The following PALLD variants were observed in gnomAD, a reference collection of about 807,000 sequenced individuals.
The protein encoded by PALLD is palladin.
In PALLD, 61 loss-of-function variants were observed where a neutral mutation model predicts 123.5. The observed-to-expected ratio is 0.49, with a 90% CI of 0.40 to 0.61. The LOEUF is 0.61. Ranked by LOEUF, PALLD falls within the 20% of genes least tolerant of loss-of-function variation. The pLI, the probability that PALLD is intolerant of heterozygous loss-of-function variation, is 0.00. For synonymous variants in PALLD, 465 were observed against 496.4 expected (o/e 0.94, Z 0.84); for missense variants, 1,273 against 1,377.0 (o/e 0.92, Z 1.20).
At chr4:168,651,069 C>T (rs1030740232) in intron 2 of PALLD, among the ~76,000 whole-genome samples, 1 of 152,038 alleles carries the variant, frequency 6.6e-6, no homozygotes, top group Non-Finnish European at 1.5e-5. Context: ...AATTGTAATT[C>T]CAAGATTGAT....
At chr4:168,878,280 C>T in intron 10 of PALLD, 1 of 1,527,140 alleles carries the variant, frequency 6.5e-7, no homozygotes, top group African/African-American at 1.4e-5. Context: ...TCGTCGCCTG[C>T]CACCCGCTTC....
intron 2 of PALLD, among the ~76,000 whole-genome samples, chr4:168,593,918 C>T (rs1437369939): frequency 6.6e-6 from 1 of 152,058 alleles, no homozygotes; most frequent in Non-Finnish European, 1.5e-5. Flanking sequence ...TATTGTTTTT[C>T]CAAAGTGCTC....
chr4:168,919,247 A>C (rs1355130481), intron 17 of PALLD, among the ~76,000 whole-genome samples: 1 of 152,170 alleles, frequency 6.6e-6, no homozygotes, highest in East Asian at 1.9e-4. Flanking sequence ...AAAATCGGCC[A>C]GGCACGTGGG....
intron 2 of PALLD, among the ~76,000 whole-genome samples, chr4:168,577,767 G>A (rs148943153): frequency 2.0e-5 from 3 of 147,078 alleles, no homozygotes; most frequent in Admixed American, 6.6e-5. Flanking sequence ...TGACCATTAC[G>A]CAAAAGAGGC....
intron 10 of PALLD, among the ~76,000 whole-genome samples, chr4:168,792,427 C>T (rs994570857): frequency 5.9e-5 from 9 of 152,076 alleles, no homozygotes; most frequent in African/African-American, 2.2e-4. Context: ...TGTCTTTACT[C>T]CGCAGCCTCC....
chr4:168,726,381 A>C (rs1786585163), intron 10 of PALLD, among the ~76,000 whole-genome samples: 1 of 152,168 alleles, frequency 6.6e-6, no homozygotes, highest in African/African-American at 2.4e-5. Context: ...ACAATAATGC[A>C]TCTTGCTTTT....
chr4:168,571,643 C>T (rs973135528), intron 2 of PALLD, among the ~76,000 whole-genome samples: 3 of 152,122 alleles, frequency 2.0e-5, no homozygotes, highest in African/African-American at 7.2e-5. Context: ...TCTCTGTATT[C>T]TCCTTGTCTG....
chr4:168,684,962 A>G (rs1781887035), intron 5 of PALLD, among the ~76,000 whole-genome samples: 1 of 152,212 alleles, frequency 6.6e-6, no homozygotes, highest in Non-Finnish European at 1.5e-5. Context: ...ATGTCATTGA[A>G]TAGGTATTTT....
intron 10 of PALLD, among the ~76,000 whole-genome samples, chr4:168,828,036 G>A (rs1442280673): frequency 6.6e-6 from 1 of 152,136 alleles, no homozygotes; most frequent in Admixed American, 6.5e-5. Context: ...GCAGGACTCC[G>A]TCTCAAAACA....
chr4:168,585,656 G>A (rs933941485), intron 2 of PALLD, among the ~76,000 whole-genome samples: 1 of 152,104 alleles, frequency 6.6e-6, no homozygotes, highest in South Asian at 2.1e-4. Context: ...AATTCTGAGC[G>A]CTCAGGACAG....
At chr4:168,775,555 A>G (rs1167786713) in intron 10 of PALLD, among the ~76,000 whole-genome samples, 3 of 152,206 alleles carry the variant, frequency 2.0e-5, no homozygotes, top group South Asian at 4.1e-4. Context: ...AGTCAAATTT[A>G]TCAACTTCTA....
chr4:168,717,908 A>G (rs1023423513), intron 10 of PALLD, among the ~76,000 whole-genome samples: 2 of 152,206 alleles, frequency 1.3e-5, no homozygotes, highest in Non-Finnish European at 2.9e-5. Flanking sequence ...AATTTAAAAC[A>G]TTATGAAAAA....
At chr4:168,765,957 T>C (rs551136455) in intron 10 of PALLD, among the ~76,000 whole-genome samples, 2 of 152,350 alleles carry the variant, frequency 1.3e-5, no homozygotes, top group African/African-American at 4.8e-5. Context: ...TTGAATGTTA[T>C]TATAATCTAT....
In PALLD at chr4:168,579,751, T is replaced by C. The variant is rs569568485; in HGVS notation, c.908+67339T>C. 2.6e-5 allele frequency among the ~76,000 whole-genome samples: 4 copies of C among 152,176 alleles called. No individual in the cohort carries two copies. In the East Asian group the frequency reaches 7.7e-4, roughly 29 times the overall value. ...GTAAGACATAATTTTTTTCTGGAAT[T>C]TTATTTTATTTTGACAGATAAAAAT... is the stretch of plus-strand genomic sequence containing the variant. On this transcript the variant is annotated intron_variant, in intron 2 of 21. Transcript: ENST00000505667.
At chr4:168,554,322 T>G (rs1002390325) in intron 2 of PALLD, among the ~76,000 whole-genome samples, 1 of 152,230 alleles carries the variant, frequency 6.6e-6, no homozygotes, top group Non-Finnish European at 1.5e-5. Context: ...CACTTTTTAC[T>G]TTCTCCAATA....
intron 8 of PALLD, among the ~76,000 whole-genome samples, chr4:168,699,803 A>T (rs1357160889): frequency 6.6e-6 from 1 of 152,166 alleles, no homozygotes; most frequent in Non-Finnish European, 1.5e-5. Flanking sequence ...CTGATTTAGT[A>T]ATTTATTAAA....
chr4:168,922,094 TATATATATACACAC>T (rs1397445293), intron 18 of PALLD, among the ~76,000 whole-genome samples: 1 of 106,826 alleles, frequency 9.4e-6, no homozygotes, highest in African/African-American at 3.2e-5. Context: ...TTTATATATA[TATATATATACACAC>T]ACACACACAC....
At chr4:168,761,674 T>A (rs1732946909) in intron 10 of PALLD, among the ~76,000 whole-genome samples, 1 of 107,696 alleles carries the variant, frequency 9.3e-6, no homozygotes, top group Non-Finnish European at 2.1e-5. Flanking sequence ...TTTTTTTTTT[T>A]TTGTAGTTTT....
intron 2 of PALLD, among the ~76,000 whole-genome samples, chr4:168,617,032 A>G (rs1319573071): frequency 6.6e-6 from 1 of 152,186 alleles, no homozygotes; most frequent in Non-Finnish European, 1.5e-5. Flanking sequence ...TGACACACGC[A>G]CTTGCTTCCT....
Sources: gnomAD v4.1 joint callset for allele counts (sites outside exome capture counted in the v4.1 genomes callset) on GRCh38, gnomAD v4.1.1 for gene constraint, MANE v1.5 for transcripts, NCBI Gene and HGNC (gene_info 2026-07-23, HGNC 2026-07-21) for gene names.